NELL2: variants seen among roughly 807,000 people sequenced by gnomAD.
The protein encoded by NELL2 is neural EGFL like 2.
A neutral mutation model predicts 109.6 loss-of-function variants in NELL2; 41 were observed. The ratio of observed to expected loss-of-function variants is 0.37; its 90% CI spans 0.29 to 0.49. The LOEUF (loss-of-function observed/expected upper bound fraction) is 0.49. Ranked by LOEUF, NELL2 falls within the 20% of genes least tolerant of loss-of-function variation. NELL2 has a pLI of 0.98. For synonymous variants in NELL2, 355 were observed against 344.7 expected (o/e 1.03, Z -0.33); for missense variants, 900 against 1,008.3 (o/e 0.89, Z 1.45).
chr12:44,508,845 C>T lies in NELL2; in HGVS notation c.*89G>A. 8.7e-7 allele frequency: 1 copy of T among 1,146,822 alleles called. No individual in the cohort carries two copies. 71.0% of individuals were successfully genotyped at this position (1,146,822 alleles called of 1,614,324 possible). Reference sequence around the variant, plus strand: ...TAACAAAGCTGCATTTAGCTGCCCACAAATCACCCAATTTAAGTTTTAACT... The same window carrying T: ...TAACAAAGCTGCATTTAGCTGCCCATAAATCACCCAATTTAAGTTTTAACT... On this transcript the variant is annotated 3_prime_UTR_variant, in exon 20 of 20. Coordinates refer to ENST00000429094, the MANE Select transcript of NELL2 (RefSeq NM_001145108.2).
intron 1 of NELL2, among the ~76,000 whole-genome samples, chr12:44,911,986 AAAAT>A (rs907194311): frequency 2.0e-5 from 3 of 151,030 alleles, no homozygotes; most frequent in East Asian, 1.9e-4. Context: ...AAAATTTAAA[AAAAT>A]AAATAAATAA....
intron 2 of NELL2, among the ~76,000 whole-genome samples, chr12:44,834,195 A>G (rs1255857279): frequency 6.6e-6 from 1 of 152,162 alleles, no homozygotes; most frequent in Non-Finnish European, 1.5e-5. Context: ...CTAACATCCA[A>G]TGACTCATTC....
intron 12 of NELL2, among the ~76,000 whole-genome samples, chr12:44,694,520 AACACAC>A (rs60024794): frequency 1.0e-4 from 15 of 144,394 alleles, no homozygotes; most frequent in Middle Eastern, 3.6e-3. Flanking sequence ...CACACATACA[AACACAC>A]ACACACACAC....
At chr12:44,747,206 A>G (rs1940415839) in intron 9 of NELL2, among the ~76,000 whole-genome samples, 5 of 152,028 alleles carry the variant, frequency 3.3e-5, no homozygotes, top group Admixed American at 3.3e-4. Flanking sequence ...AGGACAAAAA[A>G]CCAAACACCA....
At chr12:44,681,697 T>C (rs1362583631) in intron 12 of NELL2, among the ~76,000 whole-genome samples, 1 of 152,168 alleles carries the variant, frequency 6.6e-6, no homozygotes, top group African/African-American at 2.4e-5. Context: ...GATAGTTTAC[T>C]GAGAATGATG....
At chr12:44,523,260 AAATT>A (rs753751564) in intron 17 of NELL2, 27 bp downstream of exon 17, 11 of 1,610,654 alleles carry the variant, frequency 6.8e-6, no homozygotes, top group East Asian at 6.7e-5. Context: ...CAACTGAATA[AAATT>A]AATTAAAGTT....
chr12:44,751,185 C>T (rs985265127), intron 9 of NELL2, among the ~76,000 whole-genome samples: 1 of 152,050 alleles, frequency 6.6e-6, no homozygotes, highest in African/African-American at 2.4e-5. Context: ...AATATAATTA[C>T]AGACTAAGTG....
upstream of NELL2, chr12:44,876,570 C>A: frequency 6.7e-7 from 1 of 1,496,032 alleles, no homozygotes. Context: ...AGCTCTAAAT[C>A]CAAGGTGCTA....
intron 1 of NELL2, among the ~76,000 whole-genome samples, chr12:44,908,955 AC>A (rs1200636511): frequency 6.6e-6 from 1 of 151,974 alleles, no homozygotes; most frequent in Non-Finnish European, 1.5e-5. Context: ...AAAGTGTTTG[AC>A]CTTAAAAAAT....
At chr12:44,813,081 G>C (rs548369771) in intron 3 of NELL2, among the ~76,000 whole-genome samples, 2 of 152,190 alleles carry the variant, frequency 1.3e-5, no homozygotes, top group Non-Finnish European at 2.9e-5. Flanking sequence ...TGGATTTACA[G>C]AGGGGGACAA....
intron 1 of NELL2, among the ~76,000 whole-genome samples, chr12:44,888,267 T>C (rs1368704362): frequency 2.0e-5 from 3 of 152,036 alleles, no homozygotes; most frequent in Non-Finnish European, 4.4e-5. Context: ...AGTCAGGTAT[T>C]GTGATGCCTT....
chr12:44,780,788 C>G (rs1054069103), intron 3 of NELL2, among the ~76,000 whole-genome samples: 3 of 152,068 alleles, frequency 2.0e-5, no homozygotes, highest in African/African-American at 7.2e-5. Context: ...GAAGCTGAAA[C>G]TTCCCCCAAC....
At chr12:44,520,734 T>C (rs1007968642) in intron 18 of NELL2, among the ~76,000 whole-genome samples, 2 of 152,096 alleles carry the variant, frequency 1.3e-5, no homozygotes, top group Admixed American at 6.5e-5. Flanking sequence ...GTAGAGACTT[T>C]GAAAAAAAAA....
chr12:44,605,431 T>G (rs1367844214), intron 15 of NELL2, among the ~76,000 whole-genome samples: 2 of 152,190 alleles, frequency 1.3e-5, no homozygotes, highest in African/African-American at 4.8e-5. Context: ...TCAAAGCCCT[T>G]GGCTGCCACA....
Position 44,791,082 on chromosome 12 carries a change from CATAT to C in NELL2, c.336-11064_336-11061del, listed in dbSNP as rs55697809. 1.5e-4 allele frequency among the ~76,000 whole-genome samples: 8 copies of C among 52,032 alleles called. 1 individual carries two copies. Among genetic ancestry groups the C allele is most frequent in the Admixed American group, 9.0e-4 (4 of 4,460 alleles). The allele number at this position is 52,032 out of a possible 152,430, so 34.1% of individuals were successfully genotyped here. On this transcript the variant is annotated intron_variant, in intron 3 of 19. Transcript: ENST00000429094. ...AAGTTCAAGTATATATATATATATA[CATAT>C]ATATATATATGTATATATATATGTA...
chr12:44,617,494 T>C (rs894589699), intron 13 of NELL2, among the ~76,000 whole-genome samples: 4 of 108,522 alleles, frequency 3.7e-5, no homozygotes, highest in African/African-American at 1.8e-4. Flanking sequence ...GAGACCATCC[T>C]GGCTAAAACG....
chr12:44,667,130 A>T (rs1013199695), intron 12 of NELL2, among the ~76,000 whole-genome samples: 2 of 152,254 alleles, frequency 1.3e-5, no homozygotes, highest in Non-Finnish European at 2.9e-5. Context: ...TAATTTTTAT[A>T]AATTTCTTTC....
intron 12 of NELL2, among the ~76,000 whole-genome samples, chr12:44,673,629 G>A (rs902870130): frequency 6.6e-6 from 1 of 152,120 alleles, no homozygotes; most frequent in Non-Finnish European, 1.5e-5. Flanking sequence ...ATGGACCTTC[G>A]CATCCCATCC....
At chr12:44,685,014 G>A (rs1160595114) in intron 12 of NELL2, among the ~76,000 whole-genome samples, 1 of 151,948 alleles carries the variant, frequency 6.6e-6, no homozygotes, top group Non-Finnish European at 1.5e-5. Context: ...TGTTGACAGT[G>A]AGGTGTTAAA....
Sources: gnomAD v4.1 joint callset for allele counts (sites outside exome capture counted in the v4.1 genomes callset) on GRCh38, gnomAD v4.1.1 for gene constraint, MANE v1.5 for transcripts, NCBI Gene and HGNC (gene_info 2026-07-23, HGNC 2026-07-21) for gene names.